The following GRID2 variants were observed in gnomAD, a reference collection of about 807,000 sequenced individuals.
The protein encoded by GRID2 is glutamate ionotropic receptor delta type subunit 2, also known as glutamate receptor ionotropic, delta-2.
Under a neutral mutation model 114.8 loss-of-function variants are expected in GRID2, and 33 were observed. The ratio of observed to expected loss-of-function variants is 0.29; its 90% CI spans 0.22 to 0.38. The LOEUF is 0.38. Ranked by LOEUF, GRID2 falls within the 10% of genes least tolerant of loss-of-function variation. GRID2 has a pLI of 1.00. For synonymous variants in GRID2, 505 were observed against 449.9 expected (o/e 1.12, Z -1.55); for missense variants, 1,184 against 1,257.7 (o/e 0.94, Z 0.89).
chr4:93,380,834 G>T (rs189961188), intron 8 of GRID2, among the ~76,000 whole-genome samples: 1 of 151,922 alleles, frequency 6.6e-6, no homozygotes, highest in Non-Finnish European at 1.5e-5. Flanking sequence ...TATTACTAAG[G>T]TTCCTGCGGA....
intron 1 of GRID2, among the ~76,000 whole-genome samples, chr4:93,787,927 G>A (rs1296991197): frequency 6.6e-6 from 1 of 152,128 alleles, no homozygotes; most frequent in East Asian, 1.9e-4. Context: ...AAAATATTTT[G>A]TATGTGGAGT....
intron 13 of GRID2, among the ~76,000 whole-genome samples, chr4:93,614,236 G>C (rs1419934301): frequency 6.6e-6 from 1 of 152,188 alleles, no homozygotes; most frequent in Non-Finnish European, 1.5e-5. Context: ...GGATGAACCT[G>C]GTACCTCAGA....
chr4:93,696,930 C>T lies in GRID2; in HGVS notation c.2360+70495C>T, dbSNP rs182065567. Among the ~76,000 whole-genome samples, 297 of 152,278 alleles carry T rather than the reference C, an allele frequency of 2.0e-3. 2 individuals are homozygous for T. The highest frequency in any genetic ancestry group is 6.3e-3 in the African/African-American group (262 of 41,548). ...CCATGCAAACATGCAATTCGTTCCA[C>T]ATTATAGATATTCAACAATGGATTT... is the stretch of plus-strand genomic sequence containing the variant. On this transcript the variant is annotated intron_variant, in intron 14 of 15. Transcript: ENST00000282020.
At chr4:93,020,478 AT>A in intron 2 of GRID2, among the ~76,000 whole-genome samples, 1 of 152,322 alleles carries the variant, frequency 6.6e-6, no homozygotes, top group East Asian at 1.9e-4. Flanking sequence ...TGGCAAAAGG[AT>A]TCTCATTATT....
intron 1 of GRID2, among the ~76,000 whole-genome samples, chr4:92,383,146 T>C (rs1729700705): frequency 6.6e-6 from 1 of 151,902 alleles, no homozygotes; most frequent in Non-Finnish European, 1.5e-5. Context: ...CCAAGGAGAC[T>C]GTGCTAAATC....
chr4:92,662,937 C>A (rs918784464), intron 2 of GRID2, among the ~76,000 whole-genome samples: 1 of 150,934 alleles, frequency 6.6e-6, no homozygotes, highest in Admixed American at 6.6e-5. Flanking sequence ...ATTGTGAAGT[C>A]AAAACTAAGA....
chr4:92,773,720 C>A (rs1009756980), intron 2 of GRID2, among the ~76,000 whole-genome samples: 1 of 151,798 alleles, frequency 6.6e-6, no homozygotes, highest in Non-Finnish European at 1.5e-5. Context: ...TTTTATCTAT[C>A]TATTTTAAAG....
chr4:93,280,260 C>T (rs910474994), intron 8 of GRID2, among the ~76,000 whole-genome samples: 9 of 151,940 alleles, frequency 5.9e-5, no homozygotes, highest in African/African-American at 2.2e-4. Flanking sequence ...TTTCTTCCTG[C>T]CATTGCACTG....
chr4:92,654,971 G>A (rs1732155161), intron 2 of GRID2, among the ~76,000 whole-genome samples: 1 of 151,934 alleles, frequency 6.6e-6, no homozygotes. Flanking sequence ...TTAGCCTGAT[G>A]TCCTGAAGAG....
At chr4:92,616,956 G>C (rs1209299110) in intron 2 of GRID2, among the ~76,000 whole-genome samples, 1 of 151,382 alleles carries the variant, frequency 6.6e-6, no homozygotes, top group Non-Finnish European at 1.5e-5. Flanking sequence ...ACCTAGTAGT[G>C]TTGTGTGATA....
At chr4:92,789,552 C>A (rs1025694891) in intron 2 of GRID2, among the ~76,000 whole-genome samples, 1 of 151,784 alleles carries the variant, frequency 6.6e-6, no homozygotes, top group Admixed American at 6.6e-5. Context: ...TCTTTCGGAT[C>A]TATTGTACTG....
At chr4:93,615,374 A>G (rs939513208) in intron 13 of GRID2, among the ~76,000 whole-genome samples, 8 of 152,212 alleles carry the variant, frequency 5.3e-5, no homozygotes, top group African/African-American at 1.9e-4. Context: ...AAATGATTTT[A>G]AAGCACAAGA....
chr4:92,542,545 A>T (rs554197157), intron 1 of GRID2, among the ~76,000 whole-genome samples: 1 of 152,140 alleles, frequency 6.6e-6, no homozygotes, highest in African/African-American at 2.4e-5. Flanking sequence ...AAAAACAAAC[A>T]TCGTATGTTC....
chr4:93,663,502 TTATGTGTGTG>T (rs909754233), intron 14 of GRID2, among the ~76,000 whole-genome samples: 1 of 152,020 alleles, frequency 6.6e-6, no homozygotes, highest in Admixed American at 6.6e-5. Context: ...TATGTATGTA[TTATGTGTGTG>T]TATGTGTGTG....
At chr4:92,525,869 T>C (rs1322582202) in intron 1 of GRID2, among the ~76,000 whole-genome samples, 1 of 152,112 alleles carries the variant, frequency 6.6e-6, no homozygotes, top group East Asian at 1.9e-4. Flanking sequence ...TGTAGAGCAG[T>C]ATTCTATGCT....
At chr4:93,597,405 A>G (rs1415240701) in intron 13 of GRID2, among the ~76,000 whole-genome samples, 2 of 152,196 alleles carry the variant, frequency 1.3e-5, no homozygotes, top group Non-Finnish European at 2.9e-5. Flanking sequence ...ACAGTCTTCT[A>G]GTTCACAGGG....
intron 1 of GRID2, among the ~76,000 whole-genome samples, chr4:92,323,031 A>G (rs1278678667): frequency 6.6e-6 from 1 of 152,100 alleles, no homozygotes; most frequent in African/African-American, 2.4e-5. Context: ...CTGATTGGAC[A>G]TTGGCAATTG....
intron 13 of GRID2, among the ~76,000 whole-genome samples, chr4:93,529,516 A>G (rs1156797534): frequency 2.6e-4 from 40 of 152,154 alleles, no homozygotes; most frequent in Admixed American, 2.6e-3. Context: ...CAATGCATCT[A>G]ACATTTGAGA....
intron 2 of GRID2, among the ~76,000 whole-genome samples, chr4:92,955,439 C>A (rs973084074): frequency 6.6e-6 from 1 of 152,056 alleles, no homozygotes; most frequent in East Asian, 1.9e-4. Context: ...TGTTCATGTC[C>A]TTTGCCCACT....
Sources: allele counts gnomAD v4.1 joint callset (sites outside exome capture counted in the v4.1 genomes callset), GRCh38; gene constraint gnomAD v4.1.1; transcripts MANE v1.5; gene names NCBI Gene and HGNC (gene_info 2026-07-23, HGNC 2026-07-21).